The following PDGFC variants were observed in gnomAD, a reference collection of about 807,000 sequenced individuals.
PDGFC encodes platelet derived growth factor C.
Under a neutral mutation model 35.5 loss-of-function variants are expected in PDGFC, and 12 were observed. That is an observed-to-expected ratio of 0.34 (90% CI 0.22 to 0.55). The LOEUF is 0.55. PDGFC is among the 20% of genes least tolerant of loss of function. The pLI is 0.91. For synonymous variants in PDGFC, 159 were observed against 148.8 expected (o/e 1.07, Z -0.50); for missense variants, 322 against 412.4 (o/e 0.78, Z 1.90).
chr4:156,953,388 G>A (rs1461859059), intron 1 of PDGFC, among the ~76,000 whole-genome samples: 1 of 151,964 alleles, frequency 6.6e-6, no homozygotes, highest in Non-Finnish European at 1.5e-5. Flanking sequence ...AAAGGGATCA[G>A]AAGGAGTCTG....
chr4:156,914,787 G>C (rs1404481575), intron 1 of PDGFC, among the ~76,000 whole-genome samples: 3 of 152,140 alleles, frequency 2.0e-5, no homozygotes, highest in Non-Finnish European at 4.4e-5. Flanking sequence ...GATTGCTGAA[G>C]TATTTCCAAA....
At chr4:156,829,451 C>T (rs559603790) in intron 2 of PDGFC, among the ~76,000 whole-genome samples, 1 of 152,296 alleles carries the variant, frequency 6.6e-6, no homozygotes, top group South Asian at 2.1e-4. Flanking sequence ...GCTAAATCTA[C>T]CATCCTGGGC....
intron 2 of PDGFC, among the ~76,000 whole-genome samples, chr4:156,812,267 C>T (rs1731954637): frequency 6.6e-6 from 1 of 151,930 alleles, no homozygotes; most frequent in African/African-American, 2.4e-5. Context: ...AATGAGTCGA[C>T]TTAAAAGATG....
At chr4:156,910,191 A>G (rs928226278) in intron 1 of PDGFC, among the ~76,000 whole-genome samples, 6 of 152,130 alleles carry the variant, frequency 3.9e-5, no homozygotes, top group Non-Finnish European at 8.8e-5. Flanking sequence ...GAAAACAATT[A>G]TATTTTGTGG....
chr4:156,960,258 A>ATATATATATATATATATATG (rs917925610), intron 1 of PDGFC, among the ~76,000 whole-genome samples: 5 of 147,432 alleles, frequency 3.4e-5, no homozygotes, highest in African/African-American at 1.2e-4. Flanking sequence ...ACTGTTATAT[A>ATATATATATATATATATATG]TATATATATA....
chr4:156,807,108 ATT>A (rs1169439596), intron 3 of PDGFC, among the ~76,000 whole-genome samples: 2 of 151,894 alleles, frequency 1.3e-5, no homozygotes, highest in Non-Finnish European at 2.9e-5. Context: ...TGTATGTATC[ATT>A]TGGCATCAAT....
intron 1 of PDGFC, among the ~76,000 whole-genome samples, chr4:156,958,520 A>T (rs1732264505): frequency 6.6e-6 from 1 of 152,096 alleles, no homozygotes; most frequent in East Asian, 1.9e-4. Context: ...ATTTTTACTA[A>T]GGATTTCTTA....
At chr4:156,819,871 A>G (rs2110973491) in intron 2 of PDGFC, among the ~76,000 whole-genome samples, 1 of 152,348 alleles carries the variant, frequency 6.6e-6, no homozygotes. Context: ...TCTTGATGCC[A>G]TTAACAATAT....
At chr4:156,936,870 G>C (rs1731694945) in intron 1 of PDGFC, among the ~76,000 whole-genome samples, 1 of 152,188 alleles carries the variant, frequency 6.6e-6, no homozygotes. Context: ...AGCAAAAACA[G>C]ATCTTGGAAA....
chr4:156,768,771 GT>G, intron 4 of PDGFC, among the ~76,000 whole-genome samples: 1 of 151,972 alleles, frequency 6.6e-6, no homozygotes, highest in Non-Finnish European at 1.5e-5. Context: ...TAACTATGCT[GT>G]TTGTGCTTTA....
chr4:156,864,324 G>A (rs1729784113), intron 1 of PDGFC, among the ~76,000 whole-genome samples: 1 of 151,886 alleles, frequency 6.6e-6, no homozygotes, highest in Non-Finnish European at 1.5e-5. Context: ...CTGTTTCTAT[G>A]GAATAGAGTT....
Position 156,762,611 on chromosome 4 carries a change from T to C in PDGFC, c.*479A>G, listed in dbSNP as rs1364952086. 6.7e-6 allele frequency: 1 copy of C among 148,994 alleles called. No individual in the cohort carries two copies. The highest frequency in any genetic ancestry group is 1.5e-5 in the Non-Finnish European group (1 of 67,986). The allele number at this position is 148,994 out of a possible 1,614,324, so 9.2% of individuals were successfully genotyped here. ...AGTACATAGAATGTTCTGGTTTACA[T>C]ATGTGAATATGAGCAAAAAAAAAAA... is the stretch of plus-strand genomic sequence containing the variant. On this transcript the variant is annotated 3_prime_UTR_variant, in exon 6 of 6. Coordinates refer to ENST00000502773, the MANE Select transcript of PDGFC (RefSeq NM_016205.3).
chr4:156,890,352 C>A (rs1560859285), intron 1 of PDGFC, among the ~76,000 whole-genome samples: 1 of 152,116 alleles, frequency 6.6e-6, no homozygotes, highest in South Asian at 2.1e-4. Context: ...TGAGGATCCG[C>A]CCCCTGCACC....
chr4:156,819,320 T>G (rs1293303465), intron 2 of PDGFC, among the ~76,000 whole-genome samples: 1 of 152,186 alleles, frequency 6.6e-6, no homozygotes, highest in Non-Finnish European at 1.5e-5. Context: ...AGTAATTTGA[T>G]AGCTAGAGAA....
chr4:156,878,233 T>G (rs567288280), intron 1 of PDGFC, among the ~76,000 whole-genome samples: 1 of 152,228 alleles, frequency 6.6e-6, no homozygotes, highest in Non-Finnish European at 1.5e-5. Flanking sequence ...GAATTAAAAC[T>G]GTGAGAGGAG....
intron 1 of PDGFC, among the ~76,000 whole-genome samples, chr4:156,879,964 G>C (rs1047877126): frequency 5.3e-5 from 8 of 152,170 alleles, no homozygotes; most frequent in Non-Finnish European, 1.2e-4. Context: ...TATGAAGGGT[G>C]AGAGAGGTGA....
chr4:156,932,490 C>A (rs2110880451), intron 1 of PDGFC, among the ~76,000 whole-genome samples: 1 of 152,104 alleles, frequency 6.6e-6, no homozygotes, highest in Admixed American at 6.5e-5. Context: ...AGACTTGGAA[C>A]CAACCCAAAT....
intron 1 of PDGFC, among the ~76,000 whole-genome samples, chr4:156,859,403 T>C (rs1361587807): frequency 6.6e-6 from 1 of 152,124 alleles, no homozygotes; most frequent in African/African-American, 2.4e-5. Flanking sequence ...TTCTATCTTA[T>C]GTGATTAAAT....
intron 1 of PDGFC, among the ~76,000 whole-genome samples, chr4:156,880,359 A>C (rs1730212581): frequency 6.6e-6 from 1 of 152,096 alleles, no homozygotes; most frequent in Non-Finnish European, 1.5e-5. Context: ...TGTGTTCTAG[A>C]AATAGAACAA....
Sources: gnomAD v4.1 joint callset for allele counts (sites outside exome capture counted in the v4.1 genomes callset) on GRCh38, gnomAD v4.1.1 for gene constraint, MANE v1.5 for transcripts, NCBI Gene and HGNC (gene_info 2026-07-23, HGNC 2026-07-21) for gene names.